MTCL2: variants seen among roughly 807,000 people sequenced by gnomAD.
MTCL2 encodes the protein microtubule crosslinking factor 2, also known as microtubule cross-linking factor 2.
the MTCL2 span, among the ~76,000 whole-genome samples, chr20:36,796,487 C>T: frequency 2.0e-5 from 3 of 152,218 alleles, no homozygotes; most frequent in Admixed American, 6.5e-5. Flanking sequence ...GGCCATAGCA[C>T]AGGGCTGGGC....
the MTCL2 span, chr20:36,803,237 T>C: frequency 5.1e-6 from 7 of 1,360,842 alleles, no homozygotes; most frequent in Non-Finnish European, 6.8e-6. Flanking sequence ...CACTAGGGAC[T>C]AACCCAGCTT....
the MTCL2 span, among the ~76,000 whole-genome samples, chr20:36,801,379 T>C: frequency 6.6e-6 from 1 of 151,848 alleles, no homozygotes; most frequent in Non-Finnish European, 1.5e-5. Context: ...TATAAATAAA[T>C]GGACATTAAA....
At chr20:36,794,469 C>A in the MTCL2 span, 1 of 1,614,042 alleles carries the variant, frequency 6.2e-7, no homozygotes, top group Non-Finnish European at 8.5e-7. This position sits in a 1 kb window ranked among gnomAD's most constrained non-coding sequence, Gnocchi z 5.4. Context: ...TCTGGATCCC[C>A]TGGCTCGGAG....
At chr20:36,797,501 C>A in the MTCL2 span, 1 of 1,553,628 alleles carries the variant, frequency 6.4e-7, no homozygotes, top group Non-Finnish European at 8.7e-7. Context: ...GCCCCACTCA[C>A]CTCCTTCCAG....
At chr20:36,851,751 A>G in the MTCL2 span, among the ~76,000 whole-genome samples, 4 of 152,196 alleles carry the variant, frequency 2.6e-5, no homozygotes, top group African/African-American at 7.2e-5. Context: ...GCAGAATGTC[A>G]GTCTCTACCA....
At chr20:36,802,263 G>A in the MTCL2 span, among the ~76,000 whole-genome samples, 2,146 of 152,314 alleles carry the variant, frequency 0.014, 38 homozygotes, top group South Asian at 0.073. Flanking sequence ...GGGTGACAGA[G>A]TGAGACTCTG....
the MTCL2 span, chr20:36,812,578 G>A: frequency 1.1e-5 from 14 of 1,278,020 alleles, no homozygotes; most frequent in South Asian, 1.7e-5. Flanking sequence ...AAGAAGCCTG[G>A]AACCAAATGG....
At chr20:36,853,471 T>C in the MTCL2 span, among the ~76,000 whole-genome samples, 1 of 152,126 alleles carries the variant, frequency 6.6e-6, no homozygotes, top group South Asian at 2.1e-4. Context: ...ATAGCTAACA[T>C]TGACAAGCGT....
chr20:36,802,742 C>G, the MTCL2 span: 1 of 1,300,150 alleles, frequency 7.7e-7, no homozygotes, highest in Non-Finnish European at 1.0e-6. Context: ...TGTGCCAGAC[C>G]TCACTGGATG....
At chr20:36,816,141 T>C in the MTCL2 span, 1 of 1,613,558 alleles carries the variant, frequency 6.2e-7, no homozygotes, top group Non-Finnish European at 8.5e-7. Flanking sequence ...ATCGGCCAGC[T>C]CCTCGGCTGA....
the MTCL2 span, among the ~76,000 whole-genome samples, chr20:36,834,482 C>A: frequency 6.6e-6 from 1 of 152,140 alleles, no homozygotes; most frequent in Non-Finnish European, 1.5e-5. Flanking sequence ...CTCCTTGTAT[C>A]CGGTCTCAGC....
At chr20:36,785,212 C>T in the MTCL2 span, 2 of 985,250 alleles carry the variant, frequency 2.0e-6, no homozygotes, top group African/African-American at 1.7e-5. Context: ...CCAAAGCTGA[C>T]CAGGAGGCCA....
At chr20:36,784,610 A>G in the MTCL2 span, 1 of 985,482 alleles carries the variant, frequency 1.0e-6, no homozygotes, top group Non-Finnish European at 1.2e-6. Context: ...TGTGGGGAGC[A>G]TGTGTGCAAC....
At chr20:36,819,942 C>T in the MTCL2 span, among the ~76,000 whole-genome samples, 14 of 152,264 alleles carry the variant, frequency 9.2e-5, no homozygotes, top group African/African-American at 2.9e-4. Context: ...GGTCAGAAAA[C>T]GAGTCCTTCC....
the MTCL2 span, among the ~76,000 whole-genome samples, chr20:36,852,679 G>A: frequency 1.3e-5 from 2 of 152,108 alleles, no homozygotes; most frequent in South Asian, 4.1e-4. Context: ...GGGACTCTGG[G>A]CACCTGTCTC....
chr20:36,791,661 A>G, the MTCL2 span, among the ~76,000 whole-genome samples: 1 of 152,200 alleles, frequency 6.6e-6, no homozygotes, highest in Non-Finnish European at 1.5e-5. Context: ...TGGAATTGGG[A>G]GACAGGGATT....
At chr20:36,845,255 C>CT in the MTCL2 span, among the ~76,000 whole-genome samples, 1 of 152,228 alleles carries the variant, frequency 6.6e-6, no homozygotes, top group African/African-American at 2.4e-5. Flanking sequence ...ATTTCCCCCC[C>CT]TAAAAGGGCA....
At chr20:36,842,610 A>G in the MTCL2 span, among the ~76,000 whole-genome samples, 3 of 152,186 alleles carry the variant, frequency 2.0e-5, no homozygotes, top group Admixed American at 2.0e-4. Flanking sequence ...CGTCTCTACT[A>G]AAAATACAAA....
At chr20:36,812,575 C>T in the MTCL2 span, 3 of 1,264,360 alleles carry the variant, frequency 2.4e-6, no homozygotes, top group South Asian at 3.5e-5. Flanking sequence ...GCCAAGAAGC[C>T]TGGAACCAAA....
Sources: gnomAD v4.1 joint callset for allele counts (sites outside exome capture counted in the v4.1 genomes callset) on GRCh38, gnomAD v4.1.1 for gene constraint, Gnocchi (gnomAD v3.1) non-coding constraint, MANE v1.5 for transcripts, NCBI Gene and HGNC (gene_info 2026-07-23, HGNC 2026-07-21) for gene names.